The following PRKCH variants were observed in gnomAD, a reference collection of about 807,000 sequenced individuals.
PRKCH encodes protein kinase C eta.
PRKCH carries 28 observed loss-of-function variants against 82.5 expected under a neutral mutation model. The observed-to-expected ratio is 0.34, with a 90% CI of 0.25 to 0.47. The LOEUF (loss-of-function observed/expected upper bound fraction) is 0.47, where lower values mean the gene tolerates loss of function less well. Ranked by LOEUF, PRKCH falls within the 20% of genes least tolerant of loss-of-function variation. The pLI, the probability that PRKCH is intolerant of heterozygous loss-of-function variation, is 1.00. For missense variants in PRKCH, 705 were observed against 881.8 expected, an observed-to-expected ratio of 0.80 and a Z score of 2.54; for synonymous variants, 322 against 327.4, an observed-to-expected ratio of 0.98 and a Z score of 0.18.
intron 1 of PRKCH, among the ~76,000 whole-genome samples, chr14:61,234,197 T>C (rs945375203): frequency 6.6e-6 from 1 of 152,174 alleles, no homozygotes. Flanking sequence ...CCACCCCTAT[T>C]AGGTCTTTAG....
intron 1 of PRKCH, among the ~76,000 whole-genome samples, chr14:61,284,942 T>C (rs1323647170): frequency 6.6e-6 from 1 of 152,234 alleles, no homozygotes. Flanking sequence ...GAGATGAAGA[T>C]TGAAATAAAT....
intron 10 of PRKCH, among the ~76,000 whole-genome samples, chr14:61,511,681 C>A (rs775666460): frequency 6.6e-6 from 1 of 152,250 alleles, no homozygotes; most frequent in Non-Finnish European, 1.5e-5. Context: ...GGCTTGTGCC[C>A]TGCCTTGGCA....
At chr14:61,246,401 C>T (rs1430657021) in intron 1 of PRKCH, among the ~76,000 whole-genome samples, 1 of 103,208 alleles carries the variant, frequency 9.7e-6, no homozygotes, top group African/African-American at 3.8e-5. Flanking sequence ...GAGTGAGACT[C>T]TGTCTCAAAG....
At chr14:61,274,084 G>C (rs1432075820) in intron 1 of PRKCH, among the ~76,000 whole-genome samples, 1 of 152,222 alleles carries the variant, frequency 6.6e-6, no homozygotes, top group East Asian at 1.9e-4. Context: ...AGTACTAAGA[G>C]AGGATGAGGG....
At chr14:61,194,918 G>A (rs751461859) in intron 1 of PRKCH, among the ~76,000 whole-genome samples, 5 of 152,042 alleles carry the variant, frequency 3.3e-5, no homozygotes, top group Non-Finnish European at 5.9e-5. Context: ...ATTTCTAGTC[G>A]AGACAGGGTT....
chr14:61,422,277 G>A (rs1485437353), intron 2 of PRKCH, among the ~76,000 whole-genome samples: 1 of 152,066 alleles, frequency 6.6e-6, no homozygotes, highest in Non-Finnish European at 1.5e-5. Context: ...TAGAGACAGG[G>A]TCTCTCTATG....
intron 1 of PRKCH, among the ~76,000 whole-genome samples, chr14:61,225,636 T>C (rs973198946): frequency 1.3e-5 from 2 of 152,256 alleles, no homozygotes; most frequent in African/African-American, 2.4e-5. Context: ...TGCTCTGTTA[T>C]TGCAGCAGTA....
chr14:61,190,036 G>A (rs2044397466), intron 1 of PRKCH, among the ~76,000 whole-genome samples: 1 of 151,946 alleles, frequency 6.6e-6, no homozygotes, highest in African/African-American at 2.4e-5. Flanking sequence ...TGTGACCTTG[G>A]ATAAATCATT....
chr14:61,503,913 C>G (rs1274194297), intron 10 of PRKCH, among the ~76,000 whole-genome samples: 2 of 152,072 alleles, frequency 1.3e-5, no homozygotes, highest in Non-Finnish European at 2.9e-5. Context: ...ACTCTAGAAT[C>G]AAAAACTTAC....
At chr14:61,505,398 T>TTCTTTC (rs1189354448) in intron 10 of PRKCH, among the ~76,000 whole-genome samples, 1 of 24,932 alleles carries the variant, frequency 4.0e-5, no homozygotes, top group East Asian at 6.3e-4. Flanking sequence ...TTCTTTTCTT[T>TTCTTTC]TTTTTTTTTT....
intron 10 of PRKCH, among the ~76,000 whole-genome samples, chr14:61,494,509 G>T (rs1886580683): frequency 6.6e-6 from 1 of 152,242 alleles, no homozygotes; most frequent in South Asian, 2.1e-4. Context: ...TGGTCCTGGG[G>T]ATGTGGGCAG....
At chr14:61,457,750 G>A (rs747080545) in intron 9 of PRKCH, 71 bp downstream of exon 9, 127 of 1,557,196 alleles carry the variant, frequency 8.2e-5, no homozygotes, top group Middle Eastern at 1.7e-4. Flanking sequence ...AGATACTGGA[G>A]ATTTCATAAA....
At chr14:61,188,611 GGTGTGT>G (rs1170634010) in intron 1 of PRKCH, among the ~76,000 whole-genome samples, 1,184 of 50,120 alleles carry the variant, frequency 0.024, 121 homozygotes, top group Non-Finnish European at 0.033. Flanking sequence ...GGGGTGGTGT[GGTGTGT>G]GTGTGTGTGT....
At chr14:61,272,132 G>C (rs1358089617) in intron 1 of PRKCH, among the ~76,000 whole-genome samples, 1 of 151,784 alleles carries the variant, frequency 6.6e-6, no homozygotes, top group African/African-American at 2.4e-5. Context: ...GGAGGCTGAG[G>C]CAGGAGAATG....
chr14:61,339,196 T>G (rs1171295306), intron 1 of PRKCH, among the ~76,000 whole-genome samples: 3 of 151,966 alleles, frequency 2.0e-5, no homozygotes, highest in African/African-American at 2.4e-5. Context: ...TGGGATGAGC[T>G]GGCCTCCTGT....
At chr14:61,542,025 C>T (rs2043192968) in intron 12 of PRKCH, among the ~76,000 whole-genome samples, 1 of 152,212 alleles carries the variant, frequency 6.6e-6, no homozygotes, top group South Asian at 2.1e-4. Flanking sequence ...CGTGGTGGCT[C>T]ACACCTGTAA....
At chr14:61,398,517 C>T (rs2140213606) in intron 2 of PRKCH, among the ~76,000 whole-genome samples, 1 of 152,270 alleles carries the variant, frequency 6.6e-6, no homozygotes, top group Middle Eastern at 3.4e-3. Flanking sequence ...ATGAAGTTTG[C>T]TTGGACTCAG....
At chr14:61,525,351 G>A (rs1209814316) in intron 10 of PRKCH, 1 of 152,176 alleles carries the variant, frequency 6.6e-6, no homozygotes, top group Non-Finnish European at 1.5e-5. Flanking sequence ...TATGAGAACA[G>A]CCATGGCGTT....
chr14:61,420,293 G>A lies in PRKCH; in HGVS notation c.428-22818G>A, dbSNP rs189974102. On this transcript the variant is annotated intron_variant, in intron 2 of 13. Coordinates refer to ENST00000332981, the MANE Select transcript of PRKCH (RefSeq NM_006255.5). ...CCACTCTGAGCATTGGTTGTGTGGG[G>A]GATGCTGGGAGCTTGGCACATGCTA... 2.2e-3 allele frequency among the ~76,000 whole-genome samples: 342 copies of A among 152,214 alleles called. 1 individual carries two copies. Among genetic ancestry groups the A allele is most frequent in the African/African-American group, 7.0e-3 (291 of 41,522 alleles).
Sources: gnomAD v4.1 joint callset for allele counts (sites outside exome capture counted in the v4.1 genomes callset) on GRCh38, gnomAD v4.1.1 for gene constraint, MANE v1.5 for transcripts, NCBI Gene and HGNC (gene_info 2026-07-23, HGNC 2026-07-21) for gene names.